FREM1: variants seen among roughly 807,000 people sequenced by gnomAD.
The protein encoded by FREM1 is FRAS1-related extracellular matrix protein 1.
FREM1 carries 220 observed loss-of-function variants against 210.1 expected under a neutral mutation model. The ratio of observed to expected loss-of-function variants is 1.05; its 90% CI spans 0.94 to 1.17. The LOEUF (loss-of-function observed/expected upper bound fraction) is 1.17. Among genes scored for constraint, FREM1 ranks in the 50% most tolerant of loss-of-function variants. The pLI is 0.00. For missense variants in FREM1, 3,454 were observed against 2,675.5 expected, an observed-to-expected ratio of 1.29 and a Z score of -6.42; for synonymous variants, 1,189 against 980.2, an observed-to-expected ratio of 1.21 and a Z score of -3.98.
rs1171139949 is a variant in FREM1, at chr9:14,861,030, CATAT to C, written c.330-1550_330-1547del. Among the ~76,000 whole-genome samples the C allele has an allele frequency of 1.0e-3, 76 of 74,040 alleles. 8 individuals are homozygous for C. The highest frequency in any genetic ancestry group is 6.9e-3 in the Admixed American group (43 of 6,268). 48.6% of individuals were successfully genotyped at this position (74,040 alleles called of 152,430 possible). A position where few individuals can be genotyped will look rare whatever the true frequency, so the allele number is the denominator to read the frequency against. On this transcript the variant is annotated intron_variant, in intron 3 of 36. Coordinates refer to ENST00000380880, the MANE Select transcript of FREM1 (RefSeq NM_001379081.2). ...ATATATACATATATACACATATATA[CATAT>C]ATACATATATACATATATACATATA... is the stretch of plus-strand genomic sequence containing the variant.
rs1165527224 is a variant in FREM1, at chr9:14,860,706, CACACATATAT to C, written c.330-1232_330-1223del. Among the ~76,000 whole-genome samples the C allele has an allele frequency of 8.6e-3, 684 of 79,380 alleles. 14 individuals are homozygous for C. The highest frequency in any genetic ancestry group is 0.035 in the South Asian group (111 of 3,200). 52.1% of individuals were successfully genotyped at this position (79,380 alleles called of 152,430 possible). On this transcript the variant is annotated intron_variant, in intron 3 of 36. Transcript: ENST00000380880. ...ATACACATATATACACACATATATA[CACACATATAT>C]ACACATATATACACATATATACACA...
At chr9:14,814,210 A>G (rs1275889187) in intron 15 of FREM1, among the ~76,000 whole-genome samples, 1 of 152,148 alleles carries the variant, frequency 6.6e-6, no homozygotes, top group Non-Finnish European at 1.5e-5. Context: ...TATTTACTCT[A>G]TTTTAGCATC....
rs575304483 is a variant in FREM1, at chr9:14,748,422, C to G, written c.5775G>C (p.Arg1925Ser). The G allele has an allele frequency of 6.2e-7, 1 of 1,612,154 alleles. No individual in the cohort carries two copies. The highest frequency in any genetic ancestry group is 1.1e-5 in the South Asian group (1 of 91,006). Reference protein sequence around the residue: ...DSTDLSQRKLRTRGNGKTVRP... With the variant: ...DSTDLSQRKLSTRGNGKTVRP... ...TTACTGTTTTGCCATTCCCACGGGTCCTAAGCTTCCTTTGAGAAAGATCTG... is the reference window on the plus strand; with the variant it reads ...TTACTGTTTTGCCATTCCCACGGGTGCTAAGCTTCCTTTGAGAAAGATCTG... The change falls in exon 31 of 37, where the codon AGG becomes AGC. Residue 1925 changes from arginine to serine, a missense_variant. By Grantham distance (110) the Arg-to-Ser change is moderately radical. Transcript: ENST00000380880.
intron 1 of FREM1, among the ~76,000 whole-genome samples, chr9:14,895,685 T>C (rs1217386466): frequency 2.6e-5 from 4 of 152,000 alleles, no homozygotes; most frequent in Non-Finnish European, 5.9e-5. Flanking sequence ...GCCTACTAGA[T>C]GTTTTCTTAA....
At chr9:14,739,382 G>T (rs1233941222) in intron 36 of FREM1, among the ~76,000 whole-genome samples, 1 of 150,410 alleles carries the variant, frequency 6.6e-6, no homozygotes, top group Admixed American at 6.7e-5. Context: ...AGGATTACAG[G>T]CGTGAGCCAC....
At position 14,798,391 on chromosome 9, in the gene FREM1, G is replaced by A. The variant is rs142190693; in HGVS notation, c.3695-749C>T. Among the ~76,000 whole-genome samples, 519 of 152,174 alleles carry A rather than the reference G, an allele frequency of 3.4e-3. 2 individuals carry two copies. Among genetic ancestry groups the A allele is most frequent in the African/African-American group, 0.012 (494 of 41,546 alleles). ...TTTTCGGGGCTCAAGTGGGAGGATC[G>A]CTTGAGGCCAGGAGTTCGAGGCCAG... On this transcript the variant is annotated intron_variant, in intron 20 of 36. Coordinates refer to ENST00000380880, the MANE Select transcript of FREM1 (RefSeq NM_001379081.2).
At chr9:14,882,284 A>T (rs1834928178) in intron 1 of FREM1, among the ~76,000 whole-genome samples, 1 of 152,128 alleles carries the variant, frequency 6.6e-6, no homozygotes, top group South Asian at 2.1e-4. Context: ...GTAAACCCTT[A>T]ACTGAGAGAT....
At chr9:14,794,281 T>C (rs1412610735) in intron 21 of FREM1, among the ~76,000 whole-genome samples, 1 of 151,716 alleles carries the variant, frequency 6.6e-6, no homozygotes, top group Non-Finnish European at 1.5e-5. Context: ...TATGGGGAAT[T>C]GGGGCTCAAT....
At chr9:14,805,862 C>G (rs1818252150) in intron 18 of FREM1, among the ~76,000 whole-genome samples, 1 of 152,158 alleles carries the variant, frequency 6.6e-6, no homozygotes, top group African/African-American at 2.4e-5. Context: ...AATACAAGAC[C>G]TATTTAAGTA....
At chr9:14,781,357 T>C (rs1317168946) in intron 24 of FREM1, among the ~76,000 whole-genome samples, 1 of 152,204 alleles carries the variant, frequency 6.6e-6, no homozygotes, top group Non-Finnish European at 1.5e-5. Context: ...TCAGCCTTTA[T>C]TGTTTATTTT....
chr9:14,840,216 T>G (rs1217086753), intron 10 of FREM1, among the ~76,000 whole-genome samples: 1 of 152,226 alleles, frequency 6.6e-6, no homozygotes, highest in East Asian at 1.9e-4. Context: ...ACCCTTGCTT[T>G]AAGCAGTCAT....
Position 14,784,454 on chromosome 9 carries a change from G to A in FREM1, c.4358C>T (p.Thr1453Ile). 1 of 1,613,912 alleles carries A rather than the reference G, an allele frequency of 6.2e-7. No homozygotes were observed. Among genetic ancestry groups the A allele is most frequent in the Non-Finnish European group, 8.5e-7 (1 of 1,179,838 alleles). The change falls in exon 24 of 37, where the codon ACA (threonine) becomes ATA (isoleucine). Residue 1453 changes from threonine to isoleucine, a missense_variant. Coordinates refer to ENST00000380880, the MANE Select transcript of FREM1 (RefSeq NM_001379081.2). Reference sequence around the variant, plus strand: ...CACTACATCCATTTGGCTGAAGTTTGTAATGGGAACTCCAGGATAGTGAAC... The same window carrying A: ...CACTACATCCATTTGGCTGAAGTTTATAATGGGAACTCCAGGATAGTGAAC... ...EYVHYPGVPITNFSQMDVVGQ... is the reference protein window; with the variant it reads ...EYVHYPGVPIINFSQMDVVGQ...
At chr9:14,768,220 A>T (rs549923856) in intron 27 of FREM1, among the ~76,000 whole-genome samples, 2 of 152,060 alleles carry the variant, frequency 1.3e-5, no homozygotes, top group South Asian at 4.2e-4. Context: ...TTAGGTCAGT[A>T]GCAAGTCTGA....
At chr9:14,748,316 C>T (rs1842806436) in intron 31 of FREM1, 85 bp downstream of exon 31, 2 of 786,126 alleles carry the variant, frequency 2.5e-6, no homozygotes, top group Non-Finnish European at 4.1e-6. Context: ...ACAGCTTCTT[C>T]AGTGTTTCAG....
chr9:14,746,256 T>C (rs879891736), intron 35 of FREM1, 97 bp downstream of exon 35: 78 of 878,988 alleles, frequency 8.9e-5, no homozygotes, highest in Non-Finnish European at 1.3e-4. Flanking sequence ...AGGCACTCAA[T>C]ACTTGTTGAA....
intron 25 of FREM1, 54 bp from the exon 26 acceptor site, chr9:14,770,860 C>A: frequency 7.7e-7 from 1 of 1,298,544 alleles, no homozygotes; most frequent in Non-Finnish European, 1.1e-6. Context: ...CACCCCCATG[C>A]AACGTTGGGC....
At chr9:14,905,282 G>A (rs1271352319) in intron 1 of FREM1, among the ~76,000 whole-genome samples, 1 of 152,144 alleles carries the variant, frequency 6.6e-6, no homozygotes, top group Admixed American at 6.5e-5. Flanking sequence ...GAGAGAGAGA[G>A]TGCACACTCC....
chr9:14,791,956 G>A (rs377343831), intron 22 of FREM1, among the ~76,000 whole-genome samples: 9 of 151,760 alleles, frequency 5.9e-5, no homozygotes, highest in East Asian at 1.9e-4. Context: ...TCCTGCCTCC[G>A]CCTGCAGAGT....
intron 27 of FREM1, 64 bp from the exon 28 acceptor site, chr9:14,759,965 C>T: frequency 7.4e-7 from 1 of 1,357,750 alleles, no homozygotes; most frequent in South Asian, 1.6e-5. Flanking sequence ...GGATTCTCTG[C>T]TGAGCGGACT....
Sources: allele counts gnomAD v4.1 joint callset (sites outside exome capture counted in the v4.1 genomes callset), GRCh38; gene constraint gnomAD v4.1.1; transcripts MANE v1.5; gene names NCBI Gene and HGNC (gene_info 2026-07-23, HGNC 2026-07-21).